Variants in TUB observed in about 807,000 individuals in gnomAD.
TUB encodes tubby protein homolog.
In TUB, 33 loss-of-function variants were observed where a neutral mutation model predicts 59.7. The observed-to-expected ratio is 0.55, with a 90% CI of 0.42 to 0.74. TUB has a LOEUF of 0.74. TUB is among the 30% of genes least tolerant of loss of function. The pLI is 0.00. For missense variants in TUB, 659 were observed against 672.0 expected, an observed-to-expected ratio of 0.98 and a Z score of 0.21; for synonymous variants, 293 against 256.4, an observed-to-expected ratio of 1.14 and a Z score of -1.36.
exon 1 of TUB, chr11:8,038,795 G>A: frequency 6.4e-7 from 1 of 1,552,708 alleles, no homozygotes; most frequent in Non-Finnish European, 8.7e-7. Flanking sequence ...CGAATACAGG[G>A]AATTTCAACA....
At chr11:8,050,833 A>G (rs1336522705) in intron 2 of TUB, among the ~76,000 whole-genome samples, 3 of 152,222 alleles carry the variant, frequency 2.0e-5, no homozygotes, top group African/African-American at 4.8e-5. Flanking sequence ...TATGCTTTCA[A>G]TAATCTTTTA....
At position 8,097,093 on chromosome 11, in the gene TUB, G is replaced by T. The variant is rs113805129; in HGVS notation, c.688-135G>T. 30 of 996,492 alleles carry T rather than the reference G, an allele frequency of 3.0e-5. No individual in the cohort carries two copies. The African/African-American group carries it at 4.2e-4, about 14-fold the overall frequency. The allele number at this position is 996,492 out of a possible 1,614,324, so 61.7% of individuals were successfully genotyped here. A position where few individuals can be genotyped will look rare whatever the true frequency, so the allele number is the denominator to read the frequency against. On this transcript the variant is annotated intron_variant, in intron 6 of 11. Transcript: ENST00000299506. ...AAGATAGCTTCTGACCCCAGGCCCA[G>T]GCTGGCCAGGCCCCAATCCCAGGAT... is the stretch of plus-strand genomic sequence containing the variant.
At chr11:8,049,580 T>TATATAGAGAGAG (rs1417695566) in intron 2 of TUB, among the ~76,000 whole-genome samples, 15 of 69,204 alleles carry the variant, frequency 2.2e-4, no homozygotes, top group African/African-American at 6.5e-4. Context: ...TATATATATA[T>TATATAGAGAGAG]AGATAGATAG....
At chr11:8,063,639 T>C (rs1342529338) in intron 2 of TUB, among the ~76,000 whole-genome samples, 1 of 152,256 alleles carries the variant, frequency 6.6e-6, no homozygotes, top group African/African-American at 2.4e-5. Context: ...AATTTCTTGC[T>C]ATTATAAATA....
upstream of TUB, among the ~76,000 whole-genome samples, chr11:8,036,766 A>T (rs1369039179): frequency 6.6e-6 from 1 of 152,088 alleles, no homozygotes; most frequent in African/African-American, 2.4e-5. Flanking sequence ...GTTCTGTTTG[A>T]CCATCTTTCC....
chr11:8,097,464 AG>A, intron 7 of TUB, 39 bp downstream of exon 7: 3 of 1,613,032 alleles, frequency 1.9e-6, no homozygotes, highest in Non-Finnish European at 2.5e-6. Flanking sequence ...TAGGCTTTAC[AG>A]CCCTTTGAAA....
intron 2 of TUB, chr11:8,068,277 G>A (rs1337988194): frequency 2.0e-5 from 3 of 152,302 alleles, no homozygotes; most frequent in Non-Finnish European, 4.4e-5. Flanking sequence ...CTGACCTCAG[G>A]CCCCTCCTGG....
upstream of TUB, among the ~76,000 whole-genome samples, chr11:8,078,884 C>T (rs539491275): frequency 2.4e-4 from 37 of 152,108 alleles, no homozygotes; most frequent in African/African-American, 8.4e-4. Context: ...CATATTCATG[C>T]GTACACTGGC....
chr11:8,095,945 G>A (rs1165538968), intron 5 of TUB, among the ~76,000 whole-genome samples: 1 of 152,246 alleles, frequency 6.6e-6, no homozygotes, highest in Admixed American at 6.5e-5. Context: ...GCTACTGGGA[G>A]CAGGGCCAGG....
intron 1 of TUB, among the ~76,000 whole-genome samples, chr11:8,084,623 G>A (rs913607070): frequency 7.9e-5 from 12 of 152,176 alleles, no homozygotes; most frequent in African/African-American, 2.9e-4. Flanking sequence ...CTCTCACTTG[G>A]TCATGAACTA....
At chr11:8,027,432 G>A (rs1341868326) in intron 1 of TUB, among the ~76,000 whole-genome samples, 1 of 152,080 alleles carries the variant, frequency 6.6e-6, no homozygotes, top group Non-Finnish European at 1.5e-5. Flanking sequence ...TCATGTTGTA[G>A]CATATATTTT....
intron 9 of TUB, among the ~76,000 whole-genome samples, 184 bp downstream of exon 9, chr11:8,099,059 A>T (rs1944138261): frequency 6.6e-6 from 1 of 151,960 alleles, no homozygotes; most frequent in East Asian, 1.9e-4. Flanking sequence ...CTGACTTCAG[A>T]GCTCACACCA....
chr11:8,035,901 G>C (rs1942638968), upstream of TUB: 1 of 152,302 alleles, frequency 6.6e-6, no homozygotes, highest in South Asian at 2.1e-4. Context: ...GTGAGACGCT[G>C]AAGTAGACAT....
At chr11:8,023,874 G>T (rs996692314) in intron 1 of TUB, among the ~76,000 whole-genome samples, 1 of 152,202 alleles carries the variant, frequency 6.6e-6, no homozygotes, top group African/African-American at 2.4e-5. Context: ...TCAAGCTTCA[G>T]TCGTTATCCT....
chr11:8,023,097 C>A (rs552026498), intron 1 of TUB, among the ~76,000 whole-genome samples: 28 of 152,270 alleles, frequency 1.8e-4, no homozygotes, highest in African/African-American at 6.5e-4. Flanking sequence ...AAGGCTAGAG[C>A]AGCTGGGCCT....
intron 1 of TUB, among the ~76,000 whole-genome samples, 173 bp downstream of exon 1, chr11:8,081,721 G>C (rs1943568483): frequency 1.3e-5 from 2 of 152,122 alleles, no homozygotes; most frequent in African/African-American, 4.8e-5. Flanking sequence ...CCTGCGGACT[G>C]CTCCCGCCTG....
chr11:8,049,580 TAG>T (rs776593848), intron 2 of TUB, among the ~76,000 whole-genome samples: 2,970 of 68,952 alleles, frequency 0.043, 93 homozygotes, highest in African/African-American at 0.067. Context: ...TATATATATA[TAG>T]ATAGATAGAT....
At chr11:8,019,586 C>T (rs1942388077) in intron 1 of TUB, among the ~76,000 whole-genome samples, 1 of 152,112 alleles carries the variant, frequency 6.6e-6, no homozygotes, top group Non-Finnish European at 1.5e-5. Context: ...CGGAGGAGGG[C>T]ACGCGGCCAC....
intron 1 of TUB, among the ~76,000 whole-genome samples, chr11:8,081,874 G>A (rs71474960): frequency 7.9e-5 from 12 of 152,188 alleles, no homozygotes; most frequent in African/African-American, 2.7e-4. Context: ...CCAGTCACAC[G>A]CCTGTGCAGG....
Sources: gnomAD v4.1 joint callset for allele counts (sites outside exome capture counted in the v4.1 genomes callset) on GRCh38, gnomAD v4.1.1 for gene constraint, MANE v1.5 for transcripts, NCBI Gene and HGNC (gene_info 2026-07-23, HGNC 2026-07-21) for gene names.